Variants in SHE observed in about 807,000 individuals in gnomAD.
The protein encoded by SHE is Src homology 2 domain containing E.
In SHE, 11 loss-of-function variants were observed where a neutral mutation model predicts 49.8. The ratio of observed to expected loss-of-function variants is 0.22; its 90% confidence interval spans 0.14 to 0.37. The LOEUF (loss-of-function observed/expected upper bound fraction) is 0.37. SHE is among the 10% of genes least tolerant of loss of function. The pLI is 1.00. For synonymous variants in SHE, 310 were observed against 278.1 expected (o/e 1.11, Z -1.14); for missense variants, 624 against 655.5 (o/e 0.95, Z 0.52).
rs771546214 is a variant in SHE, at chr1:154,484,263, G to A, written c.1374C>T (p.Ser458=). ...CTTCAGGGATGCTGTCAAACACAGC[G>A]CTTGTCTGATTCAGTGTGTATTTGT... is the stretch of plus-strand genomic sequence containing the variant. ...KDNKYTLNQT[S]AVFDSIPEVV... is the part of the protein sequence containing the mutation. The change falls in exon 6 of 6, where the codon AGC becomes AGT. Residue 458 remains serine, a synonymous_variant. Coordinates refer to ENST00000304760, the MANE Select transcript of SHE (RefSeq NM_001010846.3). The A allele has an allele frequency of 1.5e-5, 25 of 1,614,082 alleles. No individual in the cohort carries two copies. Among genetic ancestry groups the A allele is most frequent in the Non-Finnish European group, 1.9e-5 (23 of 1,180,038 alleles).
At chr1:154,491,274 AG>A (rs1692353575) in intron 2 of SHE, among the ~76,000 whole-genome samples, 1 of 152,146 alleles carries the variant, frequency 6.6e-6, no homozygotes, top group African/African-American at 2.4e-5. Flanking sequence ...ACGGCATGGG[AG>A]GCTTACATGA....
Position 154,501,943 on chromosome 1 carries a change from C to T in SHE, c.84G>A (p.Leu28=). 6.8e-7 allele frequency: 1 copy of T among 1,461,420 alleles called. No individual in the cohort carries two copies. The highest frequency in any genetic ancestry group is 2.7e-5 in the East Asian group (1 of 37,072). The allele number at this position is 1,461,420 out of a possible 1,614,324, so 90.5% of individuals were successfully genotyped here. Residue 28 remains leucine (L), a synonymous_variant, in exon 1 of 6, where the codon CTG becomes CTA. Coordinates refer to ENST00000304760, the MANE Select transcript of SHE (RefSeq NM_001010846.3). ...SLACSTAPTL[L]GRAGRGPLMA... ...TGAGGGGGCCCCGGCCGGCTCGGCC[C>T]AGGAGCGTCGGGGCCGTGGAGCAGG... is the stretch of plus-strand genomic sequence containing the variant.
At chr1:154,470,637 C>T (rs1179018005) in intron 1 of SHE, among the ~76,000 whole-genome samples, 5 of 151,980 alleles carry the variant, frequency 3.3e-5, no homozygotes, top group Non-Finnish European at 7.4e-5. Context: ...GTCAGGAGTT[C>T]GAGACCAGCC....
At chr1:154,499,039 C>G (rs776500378) in intron 2 of SHE, 73 bp downstream of exon 2, 26 of 1,547,166 alleles carry the variant, frequency 1.7e-5, no homozygotes, top group Non-Finnish European at 2.2e-5. Context: ...CCCCAATAGA[C>G]ACCGGTTACT....
In SHE at chr1:154,481,721, A is replaced by G; in HGVS notation, c.*2428T>C. On this transcript the variant is annotated 3_prime_UTR_variant, in exon 6 of 6. Transcript: ENST00000304760. ...TTAACACAATGAATAATTTGTATAA[A>G]GATAATAAATATTTGTTGAATGGAT... The G allele has an allele frequency of 1.0e-6, 1 of 957,822 alleles. No individual in the cohort carries two copies. The highest frequency in any genetic ancestry group is 1.2e-6 in the Non-Finnish European group (1 of 804,818). The allele number at this position is 957,822 out of a possible 1,614,324, so 59.3% of individuals were successfully genotyped here.
At position 154,501,775 on chromosome 1, in the gene SHE, G is replaced by A. The variant is rs1001637128; in HGVS notation, c.252C>T (p.Asn84=). The A allele has an allele frequency of 7.7e-6, 12 of 1,564,726 alleles. No homozygotes were observed. The highest frequency in any genetic ancestry group is 1.8e-4 in the Middle Eastern group (1 of 5,632). The stretch of plus-strand genomic sequence containing the variant: ...TGCCGCTCCCCAGCTCGGCCGCCGA[G>A]TTCTTGCGGCCCTTGCCAGGACCCG... The part of the protein sequence containing the change: ...AGPGPGKGRK[N]SAAELGSGRA... Residue 84 remains asparagine (N), a synonymous_variant, in exon 1 of 6, where the codon AAC becomes AAT. Coordinates refer to ENST00000304760, the MANE Select transcript of SHE (RefSeq NM_001010846.3).
chr1:154,488,692 T>C (rs1692260439), intron 3 of SHE, among the ~76,000 whole-genome samples: 1 of 152,184 alleles, frequency 6.6e-6, no homozygotes, highest in Admixed American at 6.5e-5. Flanking sequence ...GTTCAAGCGA[T>C]TCTCCTGTCT....
At position 154,486,509 on chromosome 1, in the gene SHE, T is replaced by G; in HGVS notation, c.1181+18A>C. ...TCCCAGCTGTTGTCTGTTACAAGGA[T>G]CTGAGGAGGAGACTCACGGCTGCTT... On this transcript the variant is annotated intron_variant, in intron 4 of 5. Transcript: ENST00000304760. 6.2e-7 allele frequency: 1 copy of G among 1,613,412 alleles called. No homozygotes were observed. Among genetic ancestry groups the G allele is most frequent in the South Asian group, 1.1e-5 (1 of 91,026 alleles).
Position 154,501,424 on chromosome 1 carries a change from C to G in SHE, c.591+12G>C. 1.2e-6 allele frequency: 2 copies of G among 1,613,054 alleles called. No individual in the cohort carries two copies. The highest frequency in any genetic ancestry group is 1.7e-6 in the Non-Finnish European group (2 of 1,179,322). On this transcript the variant is annotated intron_variant, in intron 1 of 5. Transcript: ENST00000304760. ...CGACTGAGAGGTGGTCCAAGGGAGGCTGTATTCTTACCGTCTCTTGCTGCT... is the reference window on the plus strand; with the variant it reads ...CGACTGAGAGGTGGTCCAAGGGAGGGTGTATTCTTACCGTCTCTTGCTGCT...
intron 2 of SHE, among the ~76,000 whole-genome samples, chr1:154,495,565 T>C (rs918652322): frequency 2.0e-5 from 3 of 152,042 alleles, no homozygotes; most frequent in Non-Finnish European, 4.4e-5. Flanking sequence ...GCCCCTGAGG[T>C]AGATGCTGGC....
In SHE at chr1:154,480,490, T is replaced by C. The variant is rs16836042; in HGVS notation, c.*3659A>G. ...CTAGTAACAGAGTTACATAATCCAA[T>C]TAACAAATTAGGACAATTTCCCACC... On this transcript the variant is annotated 3_prime_UTR_variant, in exon 6 of 6. Coordinates refer to ENST00000304760, the MANE Select transcript of SHE (RefSeq NM_001010846.3). 5.6e-3 allele frequency: 5,535 copies of C among 985,372 alleles called. 235 individuals carry two copies. In the African/African-American group the frequency reaches 0.088, roughly 16 times the overall value. 61.0% of individuals were successfully genotyped at this position (985,372 alleles called of 1,614,324 possible).
intron 5 of SHE, 108 bp downstream of exon 5, chr1:154,485,835 A>T: frequency 7.4e-7 from 1 of 1,344,882 alleles, no homozygotes; most frequent in Non-Finnish European, 1.0e-6. Flanking sequence ...TATTTTCTGC[A>T]ATGCACACCC....
At position 154,501,491 on chromosome 1, in the gene SHE, G is replaced by A; in HGVS notation, c.536C>T (p.Pro179Leu). ...GTCCAGCTCGGGCCCCAGGGAGGAA[G>A]GGGAAGAGGACGCGGAGGAAGAGGA... ...SSSSSSASSS[P>L]SSLGPELDKG... Residue 179 changes from proline to leucine, a missense_variant, in exon 1 of 6, where the codon CCT becomes CTT. Physicochemically the swap from Pro to Leu is moderately conservative, Grantham distance 98. Around this residue, in one of 4 missense-constraint regions of SHE, gnomAD observed 337 missense variants for 306.0 expected, o/e 1.10. Coordinates refer to ENST00000304760, the MANE Select transcript of SHE (RefSeq NM_001010846.3). The A allele has an allele frequency of 1.2e-6, 2 of 1,614,216 alleles. No homozygotes were observed. The highest frequency in any genetic ancestry group is 1.7e-6 in the Non-Finnish European group (2 of 1,180,036).
At chr1:154,495,637 G>T (rs374345406) in intron 2 of SHE, among the ~76,000 whole-genome samples, 64 of 152,104 alleles carry the variant, frequency 4.2e-4, no homozygotes, top group African/African-American at 1.3e-3. Context: ...TTTGCTGGTA[G>T]GTCTGTTTCC....
At chr1:154,490,065 G>T (rs943666225) in intron 2 of SHE, among the ~76,000 whole-genome samples, 1 of 152,198 alleles carries the variant, frequency 6.6e-6, no homozygotes, top group African/African-American at 2.4e-5. Context: ...AGTAAGTCAG[G>T]CACTGTCTGG....
At chr1:154,486,291 G>A (rs1571048149) in intron 4 of SHE, among the ~76,000 whole-genome samples, 1 of 152,172 alleles carries the variant, frequency 6.6e-6, no homozygotes, top group Admixed American at 6.5e-5. Context: ...AGTGTCATTT[G>A]AACAGTTTTC....
At chr1:154,501,364 A>G in intron 1 of SHE, 72 bp downstream of exon 1, 1 of 1,436,688 alleles carries the variant, frequency 7.0e-7, no homozygotes, top group Non-Finnish European at 9.6e-7. Context: ...GGTCTAAAGA[A>G]GCCTAGGGCT....
rs961677185 is a variant in SHE, at chr1:154,479,972, A to T, written c.*4177T>A. ...CAGAAAGCCCTACCCTTAAATGCACAGCTGCTTTTCCCAACTGCAGTTTTC... is the reference window on the plus strand; with the variant it reads ...CAGAAAGCCCTACCCTTAAATGCACTGCTGCTTTTCCCAACTGCAGTTTTC... On this transcript the variant is annotated 3_prime_UTR_variant, in exon 6 of 6. Coordinates refer to ENST00000304760, the MANE Select transcript of SHE (RefSeq NM_001010846.3). 24 of 985,348 alleles carry T rather than the reference A, an allele frequency of 2.4e-5. No homozygotes were observed. In the African/African-American group the frequency reaches 4.2e-4, roughly 17 times the overall value. The allele number at this position is 985,348 out of a possible 1,614,324, so 61.0% of individuals were successfully genotyped here. A position where few individuals can be genotyped will look rare whatever the true frequency, so the allele number is the denominator to read the frequency against.
intron 3 of SHE, 72 bp from the exon 4 acceptor site, chr1:154,486,755 T>A (rs960352806): frequency 3.2e-6 from 5 of 1,551,418 alleles, no homozygotes; most frequent in Admixed American, 1.8e-5. Context: ...GGAAAAAACC[T>A]CCTTGCCTGC....
Sources: gnomAD v4.1 joint callset for allele counts (sites outside exome capture counted in the v4.1 genomes callset) on GRCh38, gnomAD v4.1.1 for gene constraint, gnomAD v4.1.1 regional missense constraint, MANE v1.5 for transcripts, NCBI Gene and HGNC (gene_info 2026-07-23, HGNC 2026-07-21) for gene names.